Variants in ALS2 observed in about 807,000 individuals in gnomAD.
The protein encoded by ALS2 is alsin.
A neutral mutation model predicts 203.4 loss-of-function variants in ALS2; 117 were observed. The ratio of observed to expected loss-of-function variants is 0.58; its 90% CI spans 0.50 to 0.67. The LOEUF is 0.67. Ranked by LOEUF, ALS2 falls within the 30% of genes least tolerant of loss-of-function variation. The pLI is 0.00. For synonymous variants in ALS2, 718 were observed against 725.9 expected (o/e 0.99, Z 0.17); for missense variants, 1,715 against 1,989.4 (o/e 0.86, Z 2.62).
At chr2:201,761,925 TC>T in intron 3 of ALS2, 107 bp from the exon 4 acceptor site, 1 of 1,252,214 alleles carries the variant, frequency 8.0e-7, no homozygotes, top group Non-Finnish European at 1.1e-6. Flanking sequence ...AATTGGATTT[TC>T]TTTTTAAATT....
intron 13 of ALS2, 65 bp from the exon 14 acceptor site, chr2:201,729,248 A>G (rs536478214): frequency 6.5e-7 from 1 of 1,549,948 alleles, no homozygotes; most frequent in Admixed American, 1.8e-5. Flanking sequence ...CAGAATCTGT[A>G]GCCTCAGTCT....
At chr2:201,760,131 T>C in intron 4 of ALS2, 1 of 624,458 alleles carries the variant, frequency 1.6e-6, no homozygotes, top group Non-Finnish European at 2.0e-6. Flanking sequence ...GAGATGAGCC[T>C]GGGCAACAGG....
intron 23 of ALS2, 30 bp from the exon 24 acceptor site, chr2:201,718,240 G>T: frequency 6.2e-7 from 1 of 1,600,610 alleles, no homozygotes; most frequent in Non-Finnish European, 8.6e-7. Context: ...AAAATGTGGG[G>T]TTAGAGGAAA....
intron 1 of ALS2, among the ~76,000 whole-genome samples, chr2:201,777,473 T>C (rs1293185293): frequency 6.6e-6 from 1 of 152,172 alleles, no homozygotes; most frequent in Non-Finnish European, 1.5e-5. Context: ...GTCCTGATTA[T>C]AAATAAAAAT....
intron 25 of ALS2, among the ~76,000 whole-genome samples, chr2:201,714,822 C>T (rs1486563509): frequency 1.3e-5 from 2 of 152,172 alleles, no homozygotes; most frequent in African/African-American, 4.8e-5. Context: ...GGATCAAATT[C>T]ATACATGTGC....
At chr2:201,742,927 C>T (rs903943186) in intron 10 of ALS2, among the ~76,000 whole-genome samples, 1 of 151,848 alleles carries the variant, frequency 6.6e-6, no homozygotes, top group African/African-American at 2.4e-5. Context: ...CAAAAATTAG[C>T]AGGAGTGGTA....
chr2:201,762,278 T>A (rs1284700112), intron 3 of ALS2, among the ~76,000 whole-genome samples: 1 of 152,244 alleles, frequency 6.6e-6, no homozygotes, highest in Non-Finnish European at 1.5e-5. Flanking sequence ...AATTATGCAA[T>A]GGCTTAAAAA....
intron 14 of ALS2, 39 bp from the exon 15 acceptor site, chr2:201,728,679 A>C: frequency 1.2e-6 from 2 of 1,601,346 alleles, no homozygotes; most frequent in South Asian, 2.2e-5. Flanking sequence ...TCAAACAATC[A>C]AAATTATTTT....
At chr2:201,779,569 A>G (rs1694806733) in intron 1 of ALS2, among the ~76,000 whole-genome samples, 1 of 152,192 alleles carries the variant, frequency 6.6e-6, no homozygotes, top group South Asian at 2.1e-4. Context: ...AGTTTGGATC[A>G]TGATGTAGTG....
rs35807671 is a variant in ALS2, at chr2:201,713,133, CTTTT to C, written c.4005-2029_4005-2026del. On this transcript the variant is annotated intron_variant, in intron 25 of 33. Coordinates refer to ENST00000264276, the MANE Select transcript of ALS2 (RefSeq NM_020919.4). ...CCCTCATTCTTTCTCCTTTTCTTTTCTTTTTTTTTTTTTTTTTTTTGAGATGGAG... is the reference window on the plus strand; with the variant it reads ...CCCTCATTCTTTCTCCTTTTCTTTTCTTTTTTTTTTTTTTTTGAGATGGAG... Among the ~76,000 whole-genome samples, 51 of 96,266 alleles carry C rather than the reference CTTTT, an allele frequency of 5.3e-4. No homozygotes were observed. The South Asian group carries it at 0.012, about 23-fold the overall frequency. The allele number at this position is 96,266 out of a possible 152,430, so 63.2% of individuals were successfully genotyped here.
chr2:201,717,549 T>C (rs1190195934), intron 24 of ALS2, among the ~76,000 whole-genome samples: 1 of 150,614 alleles, frequency 6.6e-6, no homozygotes, highest in African/African-American at 2.4e-5. Flanking sequence ...TTAAGGCTTA[T>C]AATCTAAACC....
chr2:201,761,379 T>C lies in ALS2; in HGVS notation c.615A>G (p.Gln205=), dbSNP rs199584959. ...VEHLAGRVVL[Q]VACGAFHSLA... ...AGCTGTGGAAAGCACCACAGGCAAC[T>C]TGAAGCACCACTCGCCCAGCAAGAT... The change falls in exon 4 of 34, where the codon CAA becomes CAG. Residue 205 remains glutamine, a synonymous_variant. Transcript: ENST00000264276. 3 of 1,612,524 alleles carry C rather than the reference T, an allele frequency of 1.9e-6. No individual in the cohort carries two copies. The highest frequency in any genetic ancestry group is 2.2e-5 in the East Asian group (1 of 44,848).
Position 201,715,627 on chromosome 2 carries a change from T to C in ALS2, c.4004+45A>G, listed in dbSNP as rs747124038. On this transcript the variant is annotated intron_variant, in intron 25 of 33. Transcript: ENST00000264276. Reference sequence around the variant, plus strand: ...GACTACTTACTGGTCTTAAGTTTCATCTTCCTAACATGCTCTGCTGTATGT... The same window carrying C: ...GACTACTTACTGGTCTTAAGTTTCACCTTCCTAACATGCTCTGCTGTATGT... The C allele has an allele frequency of 2.5e-6, 4 of 1,607,894 alleles. No homozygotes were observed. In the South Asian group the frequency reaches 3.3e-5, roughly 13 times the overall value.
rs1049413569 is a variant in ALS2, at chr2:201,714,400, C to T, written c.4004+1272G>A. Among the ~76,000 whole-genome samples, 6 of 152,248 alleles carry T rather than the reference C, an allele frequency of 3.9e-5. No individual in the cohort carries two copies. The South Asian group carries it at 1.0e-3, about 26-fold the overall frequency. ...CTGGGCAGAAACATGAGACACGTGT[C>T]GCTGCATTTTGCTGCAGGGAAAACT... On this transcript the variant is annotated intron_variant, in intron 25 of 33. Coordinates refer to ENST00000264276, the MANE Select transcript of ALS2 (RefSeq NM_020919.4).
chr2:201,738,613 T>C (rs2106035513), intron 12 of ALS2, 57 bp downstream of exon 12: 2 of 1,530,972 alleles, frequency 1.3e-6, no homozygotes, highest in South Asian at 2.2e-5. Flanking sequence ...AACAGAGCAC[T>C]ATAAAATGTC....
chr2:201,757,319 C>CT, intron 5 of ALS2, 83 bp downstream of exon 5: 1 of 1,153,446 alleles, frequency 8.7e-7, no homozygotes, highest in South Asian at 1.3e-5. Context: ...ATTAGGACAG[C>CT]TTTTTTAATA....
At chr2:201,778,736 G>A (rs192983891) in intron 1 of ALS2, among the ~76,000 whole-genome samples, 240 of 152,252 alleles carry the variant, frequency 1.6e-3, no homozygotes, top group Admixed American at 5.2e-3. Flanking sequence ...TTCATATCCT[G>A]AATACACTTG....
At chr2:201,713,604 G>A (rs1690180290) in intron 25 of ALS2, among the ~76,000 whole-genome samples, 1 of 152,130 alleles carries the variant, frequency 6.6e-6, no homozygotes, top group South Asian at 2.1e-4. Context: ...CTGCCACTGA[G>A]TTCATACAAT....
chr2:201,727,046 T>C (rs139949931), intron 17 of ALS2, among the ~76,000 whole-genome samples, 166 bp downstream of exon 17: 26 of 147,184 alleles, frequency 1.8e-4, no homozygotes, highest in Non-Finnish European at 3.0e-5. Context: ...TAAGTCACAT[T>C]AAAAAAAAAA....
Sources: allele counts gnomAD v4.1 joint callset (sites outside exome capture counted in the v4.1 genomes callset), GRCh38; gene constraint gnomAD v4.1.1; transcripts MANE v1.5; gene names NCBI Gene and HGNC (gene_info 2026-07-23, HGNC 2026-07-21).